Variants in TNK2 observed in about 807,000 individuals in gnomAD.
TNK2 encodes tyrosine kinase non receptor 2, also known as activated CDC42 kinase 1.
A neutral mutation model predicts 101.8 loss-of-function variants in TNK2; 83 were observed. The observed-to-expected ratio is 0.82, with a 90% CI of 0.68 to 0.98. The LOEUF is 0.98. TNK2 is among the 50% of genes least tolerant of loss of function. The probability of loss-of-function intolerance (pLI) is 0.00; values close to 1 mark genes in which losing one functional copy is unlikely to be tolerated. For missense variants in TNK2, 1,665 were observed against 1,483.2 expected, an observed-to-expected ratio of 1.12 and a Z score of -2.01; for synonymous variants, 804 against 633.0, an observed-to-expected ratio of 1.27 and a Z score of -4.06.
intron 9 of TNK2, chr3:195,876,748 ACGG>A (rs1283708715): frequency 2.4e-6 from 1 of 424,996 alleles, no homozygotes; most frequent in East Asian, 7.1e-5. Flanking sequence ...GGGGCCTTCG[ACGG>A]AAGGGCGGGG....
chr3:195,881,973 G>T, intron 6 of TNK2, 78 bp downstream of exon 6: 1 of 1,517,228 alleles, frequency 6.6e-7, no homozygotes, highest in Non-Finnish European at 8.9e-7. Flanking sequence ...CAGGGGCTGT[G>T]GTGGGTCCAG....
rs140110931 is a variant in TNK2, at chr3:195,881,683, A to G, written c.887+368T>C. On this transcript the variant is annotated intron_variant, in intron 6 of 15. Transcript: ENST00000672887. Reference sequence around the variant, plus strand: ...TGGAGAGGACACAGCATTTATCCCTATAACACCCCCCCGCCAGCAATGCCC... The same window carrying G: ...TGGAGAGGACACAGCATTTATCCCTGTAACACCCCCCCGCCAGCAATGCCC... Among the ~76,000 whole-genome samples the G allele has an allele frequency of 5.5e-4, 28 of 51,004 alleles. No homozygotes were observed. In the East Asian group the frequency reaches 6.0e-3, roughly 11 times the overall value. 33.5% of individuals were successfully genotyped at this position (51,004 alleles called of 152,430 possible).
intron 1 of TNK2, among the ~76,000 whole-genome samples, chr3:195,907,643 G>A (rs1761876758): frequency 6.6e-6 from 1 of 152,222 alleles, no homozygotes; most frequent in African/African-American, 2.4e-5. Context: ...TGGCACTCAG[G>A]CCACGAGGGA....
chr3:195,875,961 G>A (rs907187592), intron 9 of TNK2, among the ~76,000 whole-genome samples: 5 of 152,280 alleles, frequency 3.3e-5, no homozygotes, highest in East Asian at 1.9e-4. Context: ...CTCAACTAAT[G>A]CCGGACATTC....
rs1757203514 is a variant in TNK2 at position 195,888,783 on chromosome 3, C to G, written c.-18-177G>C. Reference sequence around the variant, plus strand: ...CTGGACCCACGTCCCCTATTCCTGCCAGCCACAGGGCACAATTAGGGCGGC... The same window carrying G: ...CTGGACCCACGTCCCCTATTCCTGCGAGCCACAGGGCACAATTAGGGCGGC... On this transcript the variant is annotated intron_variant, in intron 1 of 15. Transcript: ENST00000672887. The surrounding 1 kb of genome is among the most constrained non-coding windows in gnomAD (Gnocchi z 5.3). Among the ~76,000 whole-genome samples, 1 of 152,052 alleles carries G rather than the reference C, an allele frequency of 6.6e-6. No homozygotes were observed. Among genetic ancestry groups the G allele is most frequent in the African/African-American group, 2.4e-5 (1 of 41,394 alleles).
In TNK2 at chr3:195,882,001, G is replaced by C; in HGVS notation, c.887+50C>G. Reference sequence around the variant, plus strand: ...GGGTCCAGAAAGCCCCAGAAGCTTTGAGGCCTGGGTCTGCAGGGACTCTGT... The same window carrying C: ...GGGTCCAGAAAGCCCCAGAAGCTTTCAGGCCTGGGTCTGCAGGGACTCTGT... On this transcript the variant is annotated intron_variant, in intron 6 of 15. Transcript: ENST00000672887. The surrounding 1 kb of genome is among the most constrained non-coding windows in gnomAD (Gnocchi z 4.2). The C allele has an allele frequency of 6.4e-7, 1 of 1,568,152 alleles. No individual in the cohort carries two copies. Among genetic ancestry groups the C allele is most frequent in the South Asian group, 1.2e-5 (1 of 83,928 alleles).
chr3:195,864,125 G>T lies in TNK2; in HGVS notation c.*56C>A. On this transcript the variant is annotated 3_prime_UTR_variant, in exon 16 of 16. Coordinates refer to ENST00000672887, the MANE Select transcript of TNK2 (RefSeq NM_001382273.1). ...TGGGGGCATCTCCCCACTCCTGGTGGACGGACAGGCTCAGGTGATTCCTTC... is the reference window on the plus strand; with the variant it reads ...TGGGGGCATCTCCCCACTCCTGGTGTACGGACAGGCTCAGGTGATTCCTTC... 6.2e-7 allele frequency: 1 copy of T among 1,612,756 alleles called. No homozygotes were observed. Among genetic ancestry groups the T allele is most frequent in the South Asian group, 1.1e-5 (1 of 90,994 alleles).
chr3:195,904,448 G>A (rs1447981896), intron 1 of TNK2, among the ~76,000 whole-genome samples: 1 of 152,150 alleles, frequency 6.6e-6, no homozygotes, highest in Non-Finnish European at 1.5e-5. Context: ...CACAAACACT[G>A]TAAAATTCTA....
At chr3:195,866,055 ACTT>A (rs1420227415) in intron 15 of TNK2, among the ~76,000 whole-genome samples, 1 of 152,074 alleles carries the variant, frequency 6.6e-6, no homozygotes, top group Non-Finnish European at 1.5e-5. Context: ...ACCTCAGTTC[ACTT>A]CTTTTTGACT....
rs770326870 is a variant in TNK2 at position 195,868,069 on chromosome 3, A to G, written c.2229T>C (p.Ser743=). The G allele has an allele frequency of 6.8e-6, 11 of 1,606,562 alleles. No homozygotes were observed. Among genetic ancestry groups the G allele is most frequent in the South Asian group, 3.3e-5 (3 of 90,444 alleles). ...GCTTGTCGTCACCCCCCGGGCTGGG[A>G]GAGGGGGCCGGGGAGCCGGCCGGAG... ...LQAPAGSPAP[S]PSPGGDDKPQ... The change falls in exon 13 of 16, where the codon TCT becomes TCC. Residue 743 remains serine, a synonymous_variant. Transcript: ENST00000672887.
At chr3:195,897,715 T>C (rs1344429099) in intron 1 of TNK2, among the ~76,000 whole-genome samples, 41 of 151,938 alleles carry the variant, frequency 2.7e-4, no homozygotes. Flanking sequence ...TTGCCCAGGT[T>C]GGTCTCAAAC....
In TNK2 at chr3:195,868,223, G is replaced by A. The variant is rs371857601; in HGVS notation, c.2075C>T (p.Ala692Val). ...QTNYAFVPEQ[A>V]RPPPPLEDNL... ...GTCCTCCAGGGGAGGGGGCGGCCGC[G>A]CCTGCTCAGGCACAAAGGCGTAGTT... Residue 692 changes from alanine (A) to valine (V), a missense_variant, in exon 13 of 16, where the codon GCG (alanine) becomes GTG (valine). This residue lies in a region of TNK2 where 1,136 missense variants were observed against 894.9 expected (regional missense o/e 1.27). Coordinates refer to ENST00000672887, the MANE Select transcript of TNK2 (RefSeq NM_001382273.1). 1.0e-4 allele frequency: 162 copies of A among 1,606,152 alleles called. No individual in the cohort carries two copies. The highest frequency in any genetic ancestry group is 1.2e-4 in the Non-Finnish European group (139 of 1,179,262).
chr3:195,876,661 G>A (rs565610414), intron 9 of TNK2: 22 of 455,454 alleles, frequency 4.8e-5, no homozygotes, highest in Admixed American at 4.0e-4. Context: ...TCCAAGCCAG[G>A]GCTGGTGGCC....
intron 9 of TNK2, among the ~76,000 whole-genome samples, chr3:195,877,073 C>T (rs147134893): frequency 3.9e-5 from 6 of 152,050 alleles, no homozygotes; most frequent in African/African-American, 1.2e-4. Context: ...TCCAGGGGAC[C>T]CCCCCACCCT....
At chr3:195,869,016 G>A (rs951489432) in intron 12 of TNK2, 10 of 472,750 alleles carry the variant, frequency 2.1e-5, no homozygotes, top group South Asian at 3.3e-5. Flanking sequence ...ACAAGACCCC[G>A]GCGGCCCTGC....
intron 1 of TNK2, among the ~76,000 whole-genome samples, chr3:195,892,956 C>T (rs1228867847): frequency 6.6e-6 from 1 of 151,992 alleles, no homozygotes; most frequent in Admixed American, 6.5e-5. Flanking sequence ...GGCCCCCCTG[C>T]CTCCCCATAC....
rs763174254 is a variant in TNK2 at position 195,867,164 on chromosome 3, G to T, written c.3033+5C>A. 1.2e-6 allele frequency: 2 copies of T among 1,612,420 alleles called. No homozygotes were observed. Among genetic ancestry groups the T allele is most frequent in the Admixed American group, 1.7e-5 (1 of 60,018 alleles). On this transcript the variant is annotated splice_donor_5th_base_variant and intron_variant, in intron 14 of 15. Transcript: ENST00000672887. Reference sequence around the variant, plus strand: ...AGAGCCAGAGTGAGCAGGAGGTGGCGGTACCTTCAGATACTGGGCAGCCCT... The same window carrying T: ...AGAGCCAGAGTGAGCAGGAGGTGGCTGTACCTTCAGATACTGGGCAGCCCT...
At chr3:195,883,426 G>T in intron 4 of TNK2, 117 bp from the exon 5 acceptor site, 1 of 1,282,674 alleles carries the variant, frequency 7.8e-7, no homozygotes, top group Non-Finnish European at 1.1e-6. Flanking sequence ...TCCTCATCTG[G>T]GTGGGTAAGC....
At chr3:195,903,945 T>C (rs935630637) in intron 1 of TNK2, among the ~76,000 whole-genome samples, 1 of 152,112 alleles carries the variant, frequency 6.6e-6, no homozygotes, top group Non-Finnish European at 1.5e-5. Context: ...TATTTACATA[T>C]ACTAGCAACA....
Sources: gnomAD v4.1 joint callset for allele counts (sites outside exome capture counted in the v4.1 genomes callset) on GRCh38, gnomAD v4.1.1 for gene constraint, gnomAD v4.1.1 regional missense constraint, Gnocchi (gnomAD v3.1) non-coding constraint, MANE v1.5 for transcripts, NCBI Gene and HGNC (gene_info 2026-07-23, HGNC 2026-07-21) for gene names.